The following PTPN11 variants were observed in gnomAD, a reference collection of about 807,000 sequenced individuals.
PTPN11 encodes tyrosine-protein phosphatase non-receptor type 11.
Under a neutral mutation model 78.8 loss-of-function variants are expected in PTPN11, and 6 were observed. The ratio of observed to expected loss-of-function variants is 0.08; its 90% CI spans 0.04 to 0.15. PTPN11 has a LOEUF of 0.15. PTPN11 is among the 10% of genes least tolerant of loss of function. The pLI is 1.00. For synonymous variants in PTPN11, 221 were observed against 263.5 expected (o/e 0.84, Z 1.56); for missense variants, 386 against 744.8 (o/e 0.52, Z 5.61).
chr12:112,469,541 G>T (rs2038381671), intron 6 of PTPN11, among the ~76,000 whole-genome samples: 1 of 151,788 alleles, frequency 6.6e-6, no homozygotes, highest in African/African-American at 2.4e-5. Flanking sequence ...TTGAGACAGG[G>T]TCTTGCTCTG....
At chr12:112,487,470 C>T (rs1337408488) in intron 11 of PTPN11, among the ~76,000 whole-genome samples, 1 of 152,000 alleles carries the variant, frequency 6.6e-6, no homozygotes, top group Non-Finnish European at 1.5e-5. Flanking sequence ...TATTTCTCCC[C>T]TAACACTATA....
rs565668450 is a variant in PTPN11 at position 112,437,313 on chromosome 12, G to A, written c.15-8963G>A. ...GCTGGGATTACAGGCACCTGCCACC[G>A]CGCCTGGCTAATTTTTGTATTTTTT... On this transcript the variant is annotated intron_variant, in intron 1 of 15. Coordinates refer to ENST00000351677, the MANE Select transcript of PTPN11 (RefSeq NM_002834.5). 5.0e-4 allele frequency among the ~76,000 whole-genome samples: 76 copies of A among 151,796 alleles called. 3 individuals are homozygous for A. The highest frequency in any genetic ancestry group is 4.2e-3 in the Admixed American group (64 of 15,204).
At chr12:112,467,930 A>T (rs1212415882) in intron 6 of PTPN11, among the ~76,000 whole-genome samples, 1 of 152,054 alleles carries the variant, frequency 6.6e-6, no homozygotes, top group Non-Finnish European at 1.5e-5. Context: ...TCATATTTCA[A>T]CTTGAGATTT....
At chr12:112,491,203 A>G (rs2038740494) in intron 13 of PTPN11, among the ~76,000 whole-genome samples, 1 of 151,972 alleles carries the variant, frequency 6.6e-6, no homozygotes, top group South Asian at 2.1e-4. Flanking sequence ...TCAAGTTTTT[A>G]TAAACAGTTC....
At chr12:112,427,039 G>A (rs978452162) in intron 1 of PTPN11, among the ~76,000 whole-genome samples, 1 of 151,890 alleles carries the variant, frequency 6.6e-6, no homozygotes, top group African/African-American at 2.4e-5. Flanking sequence ...GAGCTGAGGA[G>A]TTTGAGACCA....
chr12:112,500,454 A>G (rs559123019), intron 13 of PTPN11, among the ~76,000 whole-genome samples: 1 of 152,184 alleles, frequency 6.6e-6, no homozygotes, highest in African/African-American at 2.4e-5. Context: ...ATAGTATATA[A>G]ACCAAACAAA....
At chr12:112,464,063 G>A (rs1322788473) in intron 6 of PTPN11, among the ~76,000 whole-genome samples, 1 of 152,222 alleles carries the variant, frequency 6.6e-6, no homozygotes, top group African/African-American at 2.4e-5. Context: ...TTTCCTGGCA[G>A]GTGATAAATT....
intron 13 of PTPN11, among the ~76,000 whole-genome samples, chr12:112,501,914 CTG>C (rs2038878125): frequency 6.6e-6 from 1 of 152,310 alleles, no homozygotes; most frequent in South Asian, 2.1e-4. Flanking sequence ...ATGCGTGACT[CTG>C]TGCTTTCAAA....
intron 3 of PTPN11, among the ~76,000 whole-genome samples, chr12:112,450,885 C>T (rs1032105049): frequency 2.6e-5 from 4 of 152,226 alleles, no homozygotes; most frequent in Admixed American, 6.5e-5. Flanking sequence ...TGGTGGCTCT[C>T]GACCAGTTAT....
chr12:112,502,590 T>C (rs2038889159), intron 14 of PTPN11, among the ~76,000 whole-genome samples: 1 of 151,924 alleles, frequency 6.6e-6, no homozygotes, highest in South Asian at 2.1e-4. Context: ...CTACTAAAAA[T>C]ACAAAAATTA....
chr12:112,505,183 C>G (rs1213363185), intron 15 of PTPN11, among the ~76,000 whole-genome samples: 1 of 152,070 alleles, frequency 6.6e-6, no homozygotes, highest in Non-Finnish European at 1.5e-5. Flanking sequence ...AGTCAGGAAG[C>G]CTGAGTTCTC....
intron 13 of PTPN11, among the ~76,000 whole-genome samples, chr12:112,496,010 A>G (rs1317368468): frequency 6.6e-6 from 1 of 152,232 alleles, no homozygotes; most frequent in Non-Finnish European, 1.5e-5. Context: ...AAAGGGAAAT[A>G]AAGCTCCATC....
chr12:112,481,433 C>T (rs972537489), intron 9 of PTPN11, among the ~76,000 whole-genome samples: 7 of 152,270 alleles, frequency 4.6e-5, no homozygotes, highest in African/African-American at 1.2e-4. Flanking sequence ...GACACCTGCA[C>T]GAGCTGCCTT....
intron 11 of PTPN11, among the ~76,000 whole-genome samples, chr12:112,487,886 C>T (rs572883650): frequency 6.6e-6 from 1 of 152,078 alleles, no homozygotes; most frequent in Non-Finnish European, 1.5e-5. Context: ...TGGGTTCAAG[C>T]AATTCTCATG....
intron 6 of PTPN11, among the ~76,000 whole-genome samples, chr12:112,467,692 A>G (rs1207395538): frequency 6.6e-6 from 1 of 152,024 alleles, no homozygotes; most frequent in Non-Finnish European, 1.5e-5. Context: ...ACAGGGTTTC[A>G]CCATGTTGGC....
At position 112,508,380 on chromosome 12, in the gene PTPN11, C is replaced by T. The variant is rs2038961761; in HGVS notation, c.*2588C>T. ...CATGAGATGGAATCAGGCAGAGAGG[C>T]TGGGATGATGGAGAAAGCTCGAGGT... On this transcript the variant is annotated 3_prime_UTR_variant, in exon 16 of 16. Transcript: ENST00000351677. The T allele has an allele frequency of 6.6e-6, 1 of 152,072 alleles. No homozygotes were observed. Among genetic ancestry groups the T allele is most frequent in the Non-Finnish European group, 1.5e-5 (1 of 68,018 alleles). 9.4% of individuals were successfully genotyped at this position (152,072 alleles called of 1,614,324 possible).
At chr12:112,489,225 C>G (rs372064183) in intron 13 of PTPN11, 50 bp downstream of exon 13, 2 of 1,601,294 alleles carry the variant, frequency 1.2e-6, no homozygotes, top group African/African-American at 1.3e-5. Context: ...TGCTAGGCCT[C>G]TTGGATACGC....
intron 6 of PTPN11, among the ~76,000 whole-genome samples, chr12:112,469,226 C>T (rs952088235): frequency 2.6e-5 from 4 of 152,122 alleles, no homozygotes; most frequent in Admixed American, 1.3e-4. Flanking sequence ...TACCCCATCA[C>T]GGTAGGTAAG....
chr12:112,443,653 CTTT>C (rs150851094), intron 1 of PTPN11, among the ~76,000 whole-genome samples: 9 of 131,656 alleles, frequency 6.8e-5, no homozygotes, highest in Admixed American at 7.7e-5. Flanking sequence ...TGTGCCCGGT[CTTT>C]TTTTTTTTTT....
Sources: gnomAD v4.1 joint callset for allele counts (sites outside exome capture counted in the v4.1 genomes callset) on GRCh38, gnomAD v4.1.1 for gene constraint, MANE v1.5 for transcripts, NCBI Gene and HGNC (gene_info 2026-07-23, HGNC 2026-07-21) for gene names.